Variants in CADPS observed in about 807,000 individuals in gnomAD.
CADPS encodes the protein calcium dependent secretion activator, also known as calcium-dependent secretion activator 1.
Under a neutral mutation model 167.3 loss-of-function variants are expected in CADPS, and 57 were observed. The observed-to-expected ratio is 0.34, with a 90% CI of 0.28 to 0.42. The LOEUF (loss-of-function observed/expected upper bound fraction) is 0.42, where lower values mean the gene tolerates loss of function less well. CADPS is among the 20% of genes least tolerant of loss of function. The probability of loss-of-function intolerance (pLI) is 1.00; values close to 1 mark genes in which losing one functional copy is unlikely to be tolerated. For synonymous variants in CADPS, 676 were observed against 635.3 expected (o/e 1.06, Z -0.96); for missense variants, 1,414 against 1,738.1 (o/e 0.81, Z 3.32).
At chr3:62,499,362 T>C (rs1204188555) in intron 17 of CADPS, 94 bp from the exon 18 acceptor site, 4 of 771,310 alleles carry the variant, frequency 5.2e-6, no homozygotes, top group Non-Finnish European at 9.0e-6. Flanking sequence ...AGAATAGTTA[T>C]CAGTTTTTTA....
At chr3:62,853,694 C>T (rs2079085674) in intron 1 of CADPS, among the ~76,000 whole-genome samples, 1 of 151,650 alleles carries the variant, frequency 6.6e-6, no homozygotes, top group Admixed American at 6.6e-5. Context: ...GGCCCAGTGG[C>T]TCACGCCTAT....
intron 1 of CADPS, among the ~76,000 whole-genome samples, chr3:62,859,112 A>G (rs1577458201): frequency 1.3e-5 from 2 of 152,166 alleles, no homozygotes; most frequent in Admixed American, 1.3e-4. Flanking sequence ...GCGATTAGGG[A>G]AAGGGTAAAT....
At chr3:62,680,915 G>A (rs181906348) in intron 3 of CADPS, among the ~76,000 whole-genome samples, 202 of 152,044 alleles carry the variant, frequency 1.3e-3, no homozygotes, top group African/African-American at 4.6e-3. Context: ...ATTCCATGAG[G>A]CAATCTTTAG....
At chr3:62,815,478 G>A (rs2094571712) in intron 1 of CADPS, among the ~76,000 whole-genome samples, 3 of 152,096 alleles carry the variant, frequency 2.0e-5, no homozygotes, top group Admixed American at 2.0e-4. Flanking sequence ...CTGGGGGACA[G>A]ATAACATTCT....
chr3:62,565,138 T>C (rs1305432863), intron 9 of CADPS, among the ~76,000 whole-genome samples: 1 of 152,170 alleles, frequency 6.6e-6, no homozygotes, highest in African/African-American at 2.4e-5. Flanking sequence ...TCAATGTGTT[T>C]GGTTCTCACC....
At chr3:62,703,142 G>A (rs71296790) in intron 3 of CADPS, among the ~76,000 whole-genome samples, 2,819 of 152,176 alleles carry the variant, frequency 0.019, 37 homozygotes, top group Middle Eastern at 0.071. Context: ...TGAGATTTTG[G>A]AACTAGAATT....
rs577064723 is a variant in CADPS, at chr3:62,597,702, C to T, written c.1326-4954G>A. 1.7e-4 allele frequency among the ~76,000 whole-genome samples: 26 copies of T among 152,216 alleles called. No homozygotes were observed. In the East Asian group the frequency reaches 2.5e-3, roughly 15 times the overall value. ...CCCATCAGCTGGACGGAATTCAGGC[C>T]GCTGGAGGCTGCCCTGACAACCCCC... On this transcript the variant is annotated intron_variant, in intron 6 of 29. Coordinates refer to ENST00000383710, the MANE Select transcript of CADPS (RefSeq NM_003716.4).
chr3:62,561,211 T>G (rs1243427020), intron 9 of CADPS, among the ~76,000 whole-genome samples: 1 of 151,724 alleles, frequency 6.6e-6, no homozygotes, highest in Non-Finnish European at 1.5e-5. Context: ...GAATCTCAGG[T>G]CAGAGTGGGC....
intron 7 of CADPS, among the ~76,000 whole-genome samples, chr3:62,588,452 G>A (rs1411659500): frequency 6.6e-6 from 1 of 151,978 alleles, no homozygotes; most frequent in Non-Finnish European, 1.5e-5. Context: ...GGACACAGAG[G>A]GCCTACAATC....
chr3:62,728,856 A>G (rs1246820136), intron 3 of CADPS, among the ~76,000 whole-genome samples: 3 of 151,920 alleles, frequency 2.0e-5, no homozygotes, highest in African/African-American at 4.9e-5. Flanking sequence ...TAAAACCTTA[A>G]GCAGCTTCTT....
At chr3:62,711,333 C>T (rs115764539) in intron 3 of CADPS, among the ~76,000 whole-genome samples, 123 of 152,198 alleles carry the variant, frequency 8.1e-4, no homozygotes, top group Admixed American at 1.2e-3. Context: ...ATTGTTAACA[C>T]GATATAAATG....
Position 62,465,323 on chromosome 3 carries a change from A to G in CADPS, c.3636+44T>C, listed in dbSNP as rs2059820407. The G allele has an allele frequency of 6.7e-7, 1 of 1,501,494 alleles. No homozygotes were observed. Among genetic ancestry groups the G allele is most frequent in the Admixed American group, 2.0e-5 (1 of 48,898 alleles). The allele number at this position is 1,501,494 out of a possible 1,614,324, so 93.0% of individuals were successfully genotyped here. A position where few individuals can be genotyped will look rare whatever the true frequency, so the allele number is the denominator to read the frequency against. On this transcript the variant is annotated intron_variant, in intron 26 of 29. Transcript: ENST00000383710. The surrounding 1 kb of genome is among the most constrained non-coding windows in gnomAD (Gnocchi z 4.1). ...TAACTCCTCTCCCAAGCCGAAACCA[A>G]AAATTAAAACAAAAGCCAGGAAATA...
At chr3:62,633,008 C>T (rs185933015) in intron 6 of CADPS, among the ~76,000 whole-genome samples, 16 of 152,008 alleles carry the variant, frequency 1.1e-4, no homozygotes, top group Non-Finnish European at 2.1e-4. Context: ...GGTCATTCAC[C>T]GAGACGCTAG....
intron 1 of CADPS, among the ~76,000 whole-genome samples, chr3:62,770,289 C>T (rs999854234): frequency 6.6e-6 from 1 of 152,218 alleles, no homozygotes; most frequent in Non-Finnish European, 1.5e-5. Flanking sequence ...TGTCACAGTG[C>T]CCTGCAACCT....
rs148752175 is a variant in CADPS at position 62,399,518 on chromosome 3, G to A, written c.3950C>T (p.Thr1317Met). The change falls in exon 30 of 30, where the codon ACG (threonine) becomes ATG (methionine). Residue 1317 changes from threonine (T) to methionine (M), a missense_variant. Thr to Met is a moderately conservative substitution (Grantham distance 81). Around this residue, in one of 6 missense-constraint regions of CADPS, gnomAD observed 185 missense variants for 251.5 expected, o/e 0.74. Coordinates refer to ENST00000383710, the MANE Select transcript of CADPS (RefSeq NM_003716.4). This position sits in a 1 kb window ranked among gnomAD's most constrained non-coding sequence, Gnocchi z 5.6. ...CTCCACAGTGAGACGGTTCCGGATC[G>A]TTTCATAGGTCTTGCTGTTTAAGGT... ...DSTLNSKTYE[T>M]IRNRLTVEEA... is the part of the protein sequence containing the mutation. 181 of 1,614,078 alleles carry A rather than the reference G, an allele frequency of 1.1e-4. No homozygotes were observed. In the African/African-American group the frequency reaches 1.9e-3, roughly 17 times the overall value.
At chr3:62,853,841 A>C (rs2079118107) in intron 1 of CADPS, among the ~76,000 whole-genome samples, 1 of 151,966 alleles carries the variant, frequency 6.6e-6, no homozygotes, top group African/African-American at 2.4e-5. Flanking sequence ...CTGTATTCCC[A>C]GTTACTTGGG....
chr3:62,423,154 G>A (rs1014651693), intron 28 of CADPS, among the ~76,000 whole-genome samples: 2 of 152,198 alleles, frequency 1.3e-5, no homozygotes, highest in African/African-American at 4.8e-5. Flanking sequence ...TGAGGATGGG[G>A]TATCACCCTG....
At chr3:62,505,698 C>T (rs2066551215) in intron 17 of CADPS, among the ~76,000 whole-genome samples, 1 of 152,218 alleles carries the variant, frequency 6.6e-6, no homozygotes, top group African/African-American at 2.4e-5. Context: ...TATGCCATAA[C>T]AAGAGAGTGC....
chr3:62,870,577 TACAAG>T (rs1223557955), intron 1 of CADPS, among the ~76,000 whole-genome samples: 3 of 152,290 alleles, frequency 2.0e-5, no homozygotes, highest in Admixed American at 2.0e-4. Context: ...AGCTTGAACT[TACAAG>T]ACATTTGTCC....
Sources: allele counts gnomAD v4.1 joint callset (sites outside exome capture counted in the v4.1 genomes callset), GRCh38; gene constraint gnomAD v4.1.1; regional missense constraint gnomAD v4.1.1; non-coding constraint Gnocchi (gnomAD v3.1); transcripts MANE v1.5; gene names NCBI Gene and HGNC (gene_info 2026-07-23, HGNC 2026-07-21).